The following DLC1 variants were observed in gnomAD, a reference collection of about 807,000 sequenced individuals.
DLC1 encodes rho GTPase-activating protein 7.
In DLC1, 54 loss-of-function variants were observed where a neutral mutation model predicts 140.3. The observed-to-expected ratio is 0.38, with a 90% CI of 0.31 to 0.48. The LOEUF (loss-of-function observed/expected upper bound fraction) is 0.48, where lower values mean the gene tolerates loss of function less well. Ranked by LOEUF, DLC1 falls within the 20% of genes least tolerant of loss-of-function variation. The probability of loss-of-function intolerance (pLI) is 0.96; values close to 1 mark genes in which losing one functional copy is unlikely to be tolerated. For missense variants in DLC1, 2,536 were observed against 1,907.0 expected, an observed-to-expected ratio of 1.33 and a Z score of -6.14; for synonymous variants, 986 against 728.1, an observed-to-expected ratio of 1.35 and a Z score of -5.70.
At chr8:13,182,264 G>A (rs1450827766) in intron 5 of DLC1, among the ~76,000 whole-genome samples, 1 of 151,794 alleles carries the variant, frequency 6.6e-6, no homozygotes, top group Non-Finnish European at 1.5e-5. Context: ...CTCTTATTCT[G>A]TAGGTTGCCT....
chr8:13,136,930 G>C (rs1220239400), intron 5 of DLC1, among the ~76,000 whole-genome samples: 1 of 152,146 alleles, frequency 6.6e-6, no homozygotes, highest in Non-Finnish European at 1.5e-5. Context: ...TTGTTATAGT[G>C]CATACCTCAT....
At chr8:13,399,645 A>T (rs1427658974) in intron 3 of DLC1, among the ~76,000 whole-genome samples, 1 of 152,130 alleles carries the variant, frequency 6.6e-6, no homozygotes, top group Admixed American at 6.5e-5. Context: ...GGAGAAAACC[A>T]CCGGATCCTG....
At chr8:13,442,244 A>C (rs928379544) in intron 2 of DLC1, among the ~76,000 whole-genome samples, 2 of 152,190 alleles carry the variant, frequency 1.3e-5, no homozygotes, top group Non-Finnish European at 2.9e-5. Context: ...CTAAAACCCT[A>C]AAAACCCTAG....
chr8:13,390,852 G>A (rs761607511), intron 4 of DLC1, among the ~76,000 whole-genome samples: 1 of 152,100 alleles, frequency 6.6e-6, no homozygotes, highest in Non-Finnish European at 1.5e-5. Flanking sequence ...GCCAGGCGTG[G>A]TGGAGGGCAC....
intron 5 of DLC1, among the ~76,000 whole-genome samples, chr8:13,125,007 C>T (rs1821430833): frequency 6.6e-6 from 1 of 151,534 alleles, no homozygotes; most frequent in Admixed American, 6.6e-5. Flanking sequence ...GACAGAGTCT[C>T]ACTGTGTCAC....
rs184150357 is a variant in DLC1 at position 13,601,147 on chromosome 8, A to C, written c.-126+3390T>G. Among the ~76,000 whole-genome samples the C allele has an allele frequency of 6.7e-3, 1,010 of 151,846 alleles. 5 individuals are homozygous for C. The highest frequency in any genetic ancestry group is 0.01 in the Non-Finnish European group (681 of 67,800). Reference sequence around the variant, plus strand: ...AGGTGTGCAGTGTCAAGCAGTTCTAACATAATACTCAGTCTGCGGTGTCAA... The same window carrying C: ...AGGTGTGCAGTGTCAAGCAGTTCTACCATAATACTCAGTCTGCGGTGTCAA... On this transcript the variant is annotated intron_variant, in intron 1 of 1. Coordinates refer to the DLC1 transcript ENST00000631382.
intron 2 of DLC1, among the ~76,000 whole-genome samples, chr8:13,458,534 A>G (rs1799518463): frequency 6.6e-6 from 1 of 152,226 alleles, no homozygotes; most frequent in South Asian, 2.1e-4. Context: ...GGCATTTGAA[A>G]AAACTCCAAA....
At chr8:13,222,214 T>G (rs1274901128) in intron 5 of DLC1, among the ~76,000 whole-genome samples, 1 of 151,942 alleles carries the variant, frequency 6.6e-6, no homozygotes, top group Non-Finnish European at 1.5e-5. Context: ...TTATGTAAAA[T>G]CATTTAATCA....
chr8:13,544,656 G>C (rs1319506350), intron 1 of DLC1, among the ~76,000 whole-genome samples: 1 of 152,170 alleles, frequency 6.6e-6, no homozygotes, highest in Non-Finnish European at 1.5e-5. Flanking sequence ...CTAATAGCCT[G>C]TGTTCGAGAT....
At chr8:13,363,900 A>G (rs1232143552) in intron 4 of DLC1, among the ~76,000 whole-genome samples, 1 of 152,234 alleles carries the variant, frequency 6.6e-6, no homozygotes, top group Admixed American at 6.5e-5. Context: ...TTGGCTAAAG[A>G]AAACCAGGTA....
chr8:13,097,963 C>A (rs2128935026), intron 10 of DLC1, among the ~76,000 whole-genome samples: 1 of 146,234 alleles, frequency 6.8e-6, no homozygotes, highest in African/African-American at 2.5e-5. Context: ...GCAGGTGGAT[C>A]TCTTGAGCCC....
chr8:13,319,723 C>T (rs558621994), intron 4 of DLC1, among the ~76,000 whole-genome samples: 35 of 151,730 alleles, frequency 2.3e-4, no homozygotes, highest in Non-Finnish European at 4.6e-4. Context: ...TTATAAATTA[C>T]CCAGTATCGG....
At chr8:13,333,304 C>T (rs905958027) in intron 4 of DLC1, among the ~76,000 whole-genome samples, 7 of 152,214 alleles carry the variant, frequency 4.6e-5, no homozygotes, top group Non-Finnish European at 1.0e-4. Flanking sequence ...TAGCTCACTG[C>T]AGCTTGGAAC....
intron 5 of DLC1, among the ~76,000 whole-genome samples, chr8:13,253,960 C>T (rs189736069): frequency 6.6e-6 from 1 of 152,108 alleles, no homozygotes; most frequent in Non-Finnish European, 1.5e-5. Flanking sequence ...ACTAGAGTAA[C>T]CATCTAACGT....
At chr8:13,497,300 C>T (rs559659788) in intron 2 of DLC1, among the ~76,000 whole-genome samples, 1 of 152,276 alleles carries the variant, frequency 6.6e-6, no homozygotes, top group African/African-American at 2.4e-5. Context: ...AAAATTCTTA[C>T]ACGTTTTAGT....
intron 1 of DLC1, among the ~76,000 whole-genome samples, chr8:13,533,890 C>T (rs943424033): frequency 2.0e-5 from 3 of 152,126 alleles, no homozygotes; most frequent in Non-Finnish European, 2.9e-5. Flanking sequence ...GAGGAAGGTA[C>T]TTGCATCTCC....
intron 5 of DLC1, among the ~76,000 whole-genome samples, chr8:13,233,150 C>G (rs1479403684): frequency 1.3e-5 from 2 of 151,938 alleles, no homozygotes; most frequent in African/African-American, 2.4e-5. Context: ...CAAAAATTAG[C>G]TGGGTGTGGT....
chr8:13,459,351 C>G (rs1251418367), intron 2 of DLC1, among the ~76,000 whole-genome samples: 1 of 152,062 alleles, frequency 6.6e-6, no homozygotes, highest in Non-Finnish European at 1.5e-5. Flanking sequence ...AGAAGGTGGT[C>G]TTTTCAAAAA....
chr8:13,543,971 A>G (rs1417072361), intron 1 of DLC1, among the ~76,000 whole-genome samples: 1 of 152,090 alleles, frequency 6.6e-6, no homozygotes, highest in Non-Finnish European at 1.5e-5. Context: ...ACCAACAACC[A>G]GTTGTACCCC....
Sources: gnomAD v4.1 joint callset for allele counts (sites outside exome capture counted in the v4.1 genomes callset) on GRCh38, gnomAD v4.1.1 for gene constraint, MANE v1.5 for transcripts, NCBI Gene and HGNC (gene_info 2026-07-23, HGNC 2026-07-21) for gene names.